Variants in GPHN observed in about 807,000 individuals in gnomAD.
The protein encoded by GPHN is gephyrin.
In GPHN, 17 loss-of-function variants were observed where a neutral mutation model predicts 95.5. The observed-to-expected ratio is 0.18, with a 90% CI of 0.12 to 0.27. The LOEUF is 0.27. GPHN is among the 10% of genes least tolerant of loss of function. GPHN has a pLI of 1.00. For synonymous variants in GPHN, 320 were observed against 322.5 expected (o/e 0.99, Z 0.08); for missense variants, 660 against 978.1 (o/e 0.67, Z 4.34).
chr14:66,980,152 CAG>C (rs2070557057), intron 9 of GPHN, among the ~76,000 whole-genome samples: 1 of 152,128 alleles, frequency 6.6e-6, no homozygotes, highest in Admixed American at 6.5e-5. Context: ...AAATGTGACA[CAG>C]AGACAGGAAG....
chr14:67,227,910 CTA>C, the GPHN span, among the ~76,000 whole-genome samples: 1 of 152,098 alleles, frequency 6.6e-6, no homozygotes, highest in Non-Finnish European at 1.5e-5. Context: ...TGGCTCACGC[CTA>C]TAATCCCAGC....
chr14:67,192,233 T>C, the GPHN span, among the ~76,000 whole-genome samples: 1 of 152,346 alleles, frequency 6.6e-6, no homozygotes, highest in African/African-American at 2.4e-5. Flanking sequence ...TTGTGAAGAT[T>C]AATACACAAT....
the GPHN span, chr14:67,571,766 C>G: frequency 1.2e-6 from 2 of 1,613,948 alleles, no homozygotes; most frequent in Middle Eastern, 1.6e-4. Flanking sequence ...CTACACAGAT[C>G]AGCAACATGC....
At chr14:67,449,584 G>A in the GPHN span, among the ~76,000 whole-genome samples, 1 of 152,192 alleles carries the variant, frequency 6.6e-6, no homozygotes, top group African/African-American at 2.4e-5. Flanking sequence ...CTCAGATAGT[G>A]CTATGTGGTA....
At position 66,992,598 on chromosome 14, in the gene GPHN, T is replaced by C. The variant is rs192173041; in HGVS notation, c.963+27273T>C. Among the ~76,000 whole-genome samples, 457 of 152,286 alleles carry C rather than the reference T, an allele frequency of 3.0e-3. 8 individuals are homozygous for C. The highest frequency in any genetic ancestry group is 0.01 in the African/African-American group (433 of 41,574). On this transcript the variant is annotated intron_variant, in intron 9 of 22. Transcript: ENST00000478722. ...TATAGATCTTTAAAGATGAGTATTT[T>C]CATTGCAGCCTTAGCTCTGAACTAC...
chr14:67,460,857 GTC>G, the GPHN span, among the ~76,000 whole-genome samples: 3 of 152,164 alleles, frequency 2.0e-5, no homozygotes, highest in African/African-American at 7.2e-5. Flanking sequence ...AATCCAAAAA[GTC>G]TTGCAAAATC....
chr14:67,070,715 A>AAAAAAATATATATATATATATATATAT, intron 11 of GPHN, among the ~76,000 whole-genome samples: 1 of 80,700 alleles, frequency 1.2e-5, no homozygotes, highest in African/African-American at 1.3e-4. Context: ...AAAAAAAAAA[A>AAAAAAATATATATATATATATATATAT]ATATATATAT....
At chr14:66,827,865 A>G (rs2061438787) in intron 4 of GPHN, among the ~76,000 whole-genome samples, 1 of 151,948 alleles carries the variant, frequency 6.6e-6, no homozygotes, top group African/African-American at 2.4e-5. Flanking sequence ...TGGCACTACT[A>G]GTTGACAAGT....
the GPHN span, among the ~76,000 whole-genome samples, chr14:67,191,473 A>G: frequency 6.6e-6 from 1 of 152,148 alleles, no homozygotes; most frequent in Non-Finnish European, 1.5e-5. Flanking sequence ...GCCAACCAAG[A>G]CAGTGCAACA....
At chr14:67,636,919 C>G in the GPHN span, among the ~76,000 whole-genome samples, 2 of 152,226 alleles carry the variant, frequency 1.3e-5, no homozygotes, top group African/African-American at 2.4e-5. Context: ...CTCATCTGAC[C>G]TGGACTTACA....
At chr14:67,057,758 C>T (rs1594969950) in intron 10 of GPHN, among the ~76,000 whole-genome samples, 1 of 152,030 alleles carries the variant, frequency 6.6e-6, no homozygotes, top group East Asian at 1.9e-4. Context: ...CTGTTACATT[C>T]TTCATGGCAG....
chr14:67,183,014 G>C (rs2140221980), downstream of GPHN, among the ~76,000 whole-genome samples: 1 of 151,994 alleles, frequency 6.6e-6, no homozygotes, highest in East Asian at 1.9e-4. Context: ...CCCAGCTGAT[G>C]CTATTGGGTC....
chr14:66,783,909 A>T (rs2059686800), intron 3 of GPHN, among the ~76,000 whole-genome samples: 2 of 152,160 alleles, frequency 1.3e-5, no homozygotes, highest in Admixed American at 1.3e-4. Flanking sequence ...GACATGGGGG[A>T]CATCTGCTAA....
Position 66,640,371 on chromosome 14 carries a change from A to G in GPHN, c.65-40736A>G, listed in dbSNP as rs545182835. On this transcript the variant is annotated intron_variant, in intron 1 of 22. Transcript: ENST00000478722. ...TTGGAGGCAAAGGTTGCAGTGAGCC[A>G]AGACTGCACCATTGCACTCCAGCCC... 1.8e-3 allele frequency among the ~76,000 whole-genome samples: 273 copies of G among 152,302 alleles called. 1 individual carries two copies. Among genetic ancestry groups the G allele is most frequent in the African/African-American group, 6.3e-3 (261 of 41,568 alleles).
Position 67,089,130 on chromosome 14 carries a change from TTTC to T in GPHN, c.1237+58_1237+60del, listed in dbSNP as rs1185839191. 284 of 475,704 alleles carry T rather than the reference TTTC, an allele frequency of 6.0e-4. 3 individuals are homozygous for T. The highest frequency in any genetic ancestry group is 2.3e-3 in the African/African-American group (16 of 6,934). 29.5% of individuals were successfully genotyped at this position (475,704 alleles called of 1,614,324 possible). A position where few individuals can be genotyped will look rare whatever the true frequency, so the allele number is the denominator to read the frequency against. ...CAGGCACTGTATTTTTTTTTCTTTT[TTTC>T]TTTTTTTTTTTTTTTTTTTTTTTTT... On this transcript the variant is annotated intron_variant, in intron 12 of 22. Coordinates refer to ENST00000478722, the MANE Select transcript of GPHN (RefSeq NM_020806.5).
At chr14:67,217,048 G>T in the GPHN span, among the ~76,000 whole-genome samples, 4 of 152,070 alleles carry the variant, frequency 2.6e-5, no homozygotes, top group Non-Finnish European at 5.9e-5. Flanking sequence ...ATCTCTATTT[G>T]CCTTTAGATC....
the GPHN span, among the ~76,000 whole-genome samples, chr14:67,603,422 C>G: frequency 6.6e-6 from 1 of 152,050 alleles, no homozygotes; most frequent in African/African-American, 2.4e-5. Context: ...GCCAAATGTA[C>G]TTTACTTAAT....
the GPHN span, among the ~76,000 whole-genome samples, chr14:67,611,588 C>T: frequency 6.6e-6 from 1 of 152,028 alleles, no homozygotes; most frequent in Non-Finnish European, 1.5e-5. Flanking sequence ...GTAATTGTAT[C>T]ACTGGTAAAC....
At chr14:66,607,326 G>A (rs980993572) in intron 1 of GPHN, among the ~76,000 whole-genome samples, 10 of 151,838 alleles carry the variant, frequency 6.6e-5, no homozygotes, top group African/African-American at 2.2e-4. Flanking sequence ...CAGCCTACTC[G>A]ATCATGGTGA....
Sources: allele counts gnomAD v4.1 joint callset (sites outside exome capture counted in the v4.1 genomes callset), GRCh38; gene constraint gnomAD v4.1.1; transcripts MANE v1.5; gene names NCBI Gene and HGNC (gene_info 2026-07-23, HGNC 2026-07-21).